The following SLC25A13 variants were observed in gnomAD, a reference collection of about 807,000 sequenced individuals.
SLC25A13 encodes the protein electrogenic aspartate/glutamate antiporter SLC25A13, mitochondrial.
SLC25A13 carries 70 observed loss-of-function variants against 85.5 expected under a neutral mutation model. The observed-to-expected ratio is 0.82, with a 90% CI of 0.68 to 1.00. The LOEUF is 1.00. Among genes scored for constraint, SLC25A13 ranks in the 50% least tolerant of loss-of-function variants. The pLI is 0.00. For missense variants in SLC25A13, 765 were observed against 819.8 expected, an observed-to-expected ratio of 0.93 and a Z score of 0.82; for synonymous variants, 259 against 288.7, an observed-to-expected ratio of 0.90 and a Z score of 1.04.
At chr7:96,268,755 C>T (rs953062128) in intron 3 of SLC25A13, among the ~76,000 whole-genome samples, 1 of 152,148 alleles carries the variant, frequency 6.6e-6, no homozygotes, top group Non-Finnish European at 1.5e-5. Context: ...ATATGAGGTA[C>T]AAGTCCCTAC....
At chr7:96,167,894 T>C (rs1036006987) in intron 13 of SLC25A13, among the ~76,000 whole-genome samples, 3 of 151,890 alleles carry the variant, frequency 2.0e-5, no homozygotes, top group Non-Finnish European at 4.4e-5. Context: ...GGTCAGGAGA[T>C]TGAGACCATC....
intron 3 of SLC25A13, among the ~76,000 whole-genome samples, chr7:96,250,081 G>A (rs551969168): frequency 6.6e-6 from 1 of 152,208 alleles, no homozygotes; most frequent in South Asian, 2.1e-4. Context: ...TAATCAGGAG[G>A]CTGAGTGAGG....
At chr7:96,278,522 T>C (rs750781536) in intron 2 of SLC25A13, among the ~76,000 whole-genome samples, 16 of 152,238 alleles carry the variant, frequency 1.1e-4, no homozygotes, top group South Asian at 4.1e-4. Flanking sequence ...ACCACTTGAA[T>C]GGCCTCAGGT....
Position 96,121,276 on chromosome 7 carries a change from G to A in SLC25A13, c.1943C>T (p.Ala648Val), listed in dbSNP as rs768497028. The A allele has an allele frequency of 1.8e-5, 29 of 1,614,016 alleles. No homozygotes were observed. In the Middle Eastern group the frequency reaches 6.6e-4, roughly 37 times the overall value. Residue 648 changes from alanine to valine, a missense_variant, in exon 18 of 18, where the codon GCA becomes GTA. Ala to Val is a moderately conservative substitution (Grantham distance 64). Transcript: ENST00000265631. ...AAGTCCAAATTTGTTTTCAATCCCT[G>A]CAAATGTAGCAACTGCCAGTTTGTA... ...GGYKLAVATF[A>V]GIENKFGLYL...
In SLC25A13 at chr7:96,286,346, T is replaced by C. The variant is rs577910268; in HGVS notation, c.70-9008A>G. On this transcript the variant is annotated intron_variant, in intron 2 of 17. Transcript: ENST00000265631. ...GCCCCACATGTTTTATAACAAGTCC[T>C]GTCCTGACTACCACCACCCAGGATC... Among the ~76,000 whole-genome samples the C allele has an allele frequency of 4.6e-5, 7 of 151,386 alleles. No individual in the cohort carries two copies. In the East Asian group the frequency reaches 5.8e-4, roughly 13 times the overall value.
intron 4 of SLC25A13, among the ~76,000 whole-genome samples, chr7:96,209,873 C>T (rs752038994): frequency 1.5e-4 from 23 of 152,048 alleles, no homozygotes; most frequent in Non-Finnish European, 2.8e-4. Flanking sequence ...ATAATTTTTC[C>T]TGGCTTTCAC....
At position 96,309,889 on chromosome 7, in the gene SLC25A13, T is replaced by G. The variant is rs185416614; in HGVS notation, c.15+12053A>C. On this transcript the variant is annotated intron_variant, in intron 1 of 17. Transcript: ENST00000265631. ...TGGCCATATATGAAGATAGGGTCTT[T>G]GAAAAGGTTATTAAGTTAAAATGAG... 1.1e-4 allele frequency among the ~76,000 whole-genome samples: 17 copies of G among 152,276 alleles called. 1 individual carries two copies. The East Asian group carries it at 3.3e-3, about 29-fold the overall frequency.
intron 5 of SLC25A13, among the ~76,000 whole-genome samples, chr7:96,204,332 C>T (rs1292202704): frequency 6.6e-6 from 1 of 152,096 alleles, no homozygotes; most frequent in East Asian, 1.9e-4. Flanking sequence ...GTTTTAGAAA[C>T]CTTTCATTCT....
At chr7:96,317,892 T>A (rs922342893) in intron 1 of SLC25A13, among the ~76,000 whole-genome samples, 1 of 151,706 alleles carries the variant, frequency 6.6e-6, no homozygotes, top group Non-Finnish European at 1.5e-5. Flanking sequence ...ACCTCTGCCT[T>A]CTGGGCTCAA....
chr7:96,294,247 A>G (rs1456639822), intron 2 of SLC25A13, among the ~76,000 whole-genome samples: 3 of 141,896 alleles, frequency 2.1e-5, no homozygotes, highest in Non-Finnish European at 4.6e-5. Flanking sequence ...ACTTGGACAC[A>G]GGAAGGGGAA....
intron 1 of SLC25A13, among the ~76,000 whole-genome samples, chr7:96,317,228 A>T (rs901322099): frequency 1.3e-4 from 20 of 152,092 alleles, no homozygotes; most frequent in African/African-American, 4.6e-4. Flanking sequence ...CGGCCTCCCA[A>T]GGTGCTGGGA....
intron 3 of SLC25A13, among the ~76,000 whole-genome samples, chr7:96,249,035 A>G (rs1342951257): frequency 1.3e-5 from 2 of 152,204 alleles, no homozygotes; most frequent in Admixed American, 6.5e-5. Flanking sequence ...GCTGGGCACA[A>G]TTGCACGTGC....
chr7:96,123,529 G>A (rs1791601881), intron 15 of SLC25A13, among the ~76,000 whole-genome samples: 1 of 152,178 alleles, frequency 6.6e-6, no homozygotes, highest in Admixed American at 6.5e-5. Flanking sequence ...TAGAGGTACT[G>A]GGGGTGAAGG....
At chr7:96,188,129 C>CA (rs1794706848) in intron 9 of SLC25A13, among the ~76,000 whole-genome samples, 1 of 152,188 alleles carries the variant, frequency 6.6e-6, no homozygotes, top group Admixed American at 6.5e-5. Flanking sequence ...TAGCTGGTGG[C>CA]ATACAGACGA....
chr7:96,189,496 C>G (rs1794763209), intron 8 of SLC25A13, 85 bp downstream of exon 8: 3 of 1,531,944 alleles, frequency 2.0e-6, no homozygotes, highest in African/African-American at 1.4e-5. Flanking sequence ...TTCAGTTTGG[C>G]TTCTTTTTCT....
intron 7 of SLC25A13, 152 bp downstream of exon 7, chr7:96,190,957 T>C: frequency 9.8e-7 from 1 of 1,016,388 alleles, no homozygotes; most frequent in Non-Finnish European, 1.5e-6. Flanking sequence ...TTGCTTTTGT[T>C]TGTCTGATCA....
intron 1 of SLC25A13, among the ~76,000 whole-genome samples, chr7:96,318,498 G>A (rs1205730123): frequency 6.6e-6 from 1 of 152,172 alleles, no homozygotes; most frequent in Admixed American, 6.5e-5. Flanking sequence ...GGCAGCAAGA[G>A]AATGGACACT....
rs201468457 is a variant in SLC25A13 at position 96,121,389 on chromosome 7, G to A, written c.1842-12C>T. 6.2e-7 allele frequency: 1 copy of A among 1,613,976 alleles called. No homozygotes were observed. Among genetic ancestry groups the A allele is most frequent in the Non-Finnish European group, 8.5e-7 (1 of 1,179,858 alleles). ...ATCCCATGGGTTTTCTAAAAGAAGAGAAAACAGAGTAAGAAGCTGTATTTT... is the reference window on the plus strand; with the variant it reads ...ATCCCATGGGTTTTCTAAAAGAAGAAAAAACAGAGTAAGAAGCTGTATTTT... On this transcript the variant is annotated splice_polypyrimidine_tract_variant and intron_variant, in intron 17 of 17. Coordinates refer to ENST00000265631, the MANE Select transcript of SLC25A13 (RefSeq NM_014251.3).
chr7:96,296,510 T>G (rs186219285), intron 2 of SLC25A13, among the ~76,000 whole-genome samples: 2,927 of 151,842 alleles, frequency 0.019, 50 homozygotes, highest in South Asian at 0.061. Flanking sequence ...TGAGACAGTC[T>G]TGCTCTGTCG....
Sources: allele counts gnomAD v4.1 joint callset (sites outside exome capture counted in the v4.1 genomes callset), GRCh38; gene constraint gnomAD v4.1.1; transcripts MANE v1.5; gene names NCBI Gene and HGNC (gene_info 2026-07-23, HGNC 2026-07-21).